ANKS1B: variants seen among roughly 807,000 people sequenced by gnomAD.
ANKS1B encodes ankyrin repeat and sterile alpha motif domain-containing protein 1B.
In ANKS1B, 36 loss-of-function variants were observed where a neutral mutation model predicts 148.3. That is an observed-to-expected ratio of 0.24 (90% CI 0.19 to 0.32). The LOEUF is 0.32. Among genes scored for constraint, ANKS1B ranks in the 10% least tolerant of loss-of-function variants. ANKS1B has a pLI of 1.00. For synonymous variants in ANKS1B, 542 were observed against 560.8 expected, an observed-to-expected ratio of 0.97 and a Z score of 0.47; for missense variants, 1,157 against 1,542.6, an observed-to-expected ratio of 0.75 and a Z score of 4.19.
intron 25 of ANKS1B, among the ~76,000 whole-genome samples, chr12:98,756,091 C>T (rs2098234501): frequency 6.6e-6 from 1 of 152,194 alleles, no homozygotes; most frequent in South Asian, 2.1e-4. Flanking sequence ...TGACTCACGC[C>T]TGTAATTCCA....
At chr12:99,762,816 C>CA (rs1021456622) in intron 8 of ANKS1B, among the ~76,000 whole-genome samples, 1 of 151,556 alleles carries the variant, frequency 6.6e-6, no homozygotes, top group South Asian at 2.1e-4. Flanking sequence ...AGTCAACAAG[C>CA]AAAAAACAAC....
chr12:99,294,536 G>A (rs1333350958), intron 12 of ANKS1B, among the ~76,000 whole-genome samples: 1 of 152,228 alleles, frequency 6.6e-6, no homozygotes, highest in Non-Finnish European at 1.5e-5. Flanking sequence ...GGGAAGAGTA[G>A]TGGGGGCAGG....
At chr12:98,985,250 C>T (rs992529905) in intron 17 of ANKS1B, among the ~76,000 whole-genome samples, 1 of 152,120 alleles carries the variant, frequency 6.6e-6, no homozygotes, top group Non-Finnish European at 1.5e-5. Flanking sequence ...ATAGCTGGAA[C>T]TACAGTTATG....
At chr12:99,512,971 T>A (rs940753104) in intron 9 of ANKS1B, among the ~76,000 whole-genome samples, 2 of 151,860 alleles carry the variant, frequency 1.3e-5, no homozygotes, top group Non-Finnish European at 2.9e-5. Context: ...GGTGATAGGC[T>A]GATCTGTGCA....
intron 17 of ANKS1B, among the ~76,000 whole-genome samples, chr12:99,044,345 A>ACTGATTTAATTATAATATATGAAGATC: frequency 6.7e-6 from 1 of 149,144 alleles, no homozygotes; most frequent in East Asian, 2.3e-4. Flanking sequence ...AAAAAAGCTA[A>ACTGATTTAATTATAATATATGAAGATC]TTCACCCTGA....
At chr12:99,442,863 G>C (rs2095572512) in intron 11 of ANKS1B, among the ~76,000 whole-genome samples, 1 of 151,892 alleles carries the variant, frequency 6.6e-6, no homozygotes, top group Non-Finnish European at 1.5e-5. Context: ...ATGATGAATG[G>C]CATTGATTGA....
chr12:98,735,418 ATTG>A, exon 10 of ANKS1B: 1 of 427,274 alleles, frequency 2.3e-6, no homozygotes, highest in Non-Finnish European at 4.2e-6. Flanking sequence ...AATTCACAAA[ATTG>A]TTTTGAAAAA....
chr12:98,975,200 T>C (rs1218343750), intron 17 of ANKS1B, among the ~76,000 whole-genome samples: 4 of 140,158 alleles, frequency 2.9e-5, no homozygotes, highest in African/African-American at 5.4e-5. Flanking sequence ...TTCCTTCCTC[T>C]TTCTTCCTTC....
intron 12 of ANKS1B, among the ~76,000 whole-genome samples, chr12:99,392,933 C>A (rs149465374): frequency 6.8e-6 from 1 of 147,604 alleles, no homozygotes; most frequent in East Asian, 2.1e-4. Flanking sequence ...ATGTTCAAAA[C>A]TGAGATTTCC....
chr12:99,973,637 T>C (rs2095588652), intron 1 of ANKS1B, among the ~76,000 whole-genome samples: 1 of 151,628 alleles, frequency 6.6e-6, no homozygotes, highest in African/African-American at 2.4e-5. Context: ...TTAACAGGAG[T>C]TTTGGAAGAA....
chr12:99,121,482 T>A, intron 15 of ANKS1B, among the ~76,000 whole-genome samples: 1 of 152,140 alleles, frequency 6.6e-6, no homozygotes, highest in East Asian at 1.9e-4. Context: ...ACTCAAACAC[T>A]TTTGAGTATT....
chr12:99,507,565 A>G (rs960359729), intron 9 of ANKS1B, among the ~76,000 whole-genome samples: 6 of 151,778 alleles, frequency 4.0e-5, no homozygotes, highest in African/African-American at 1.4e-4. Flanking sequence ...TGTGCAAAGG[A>G]AAGAAAAAAT....
At chr12:98,998,927 T>C (rs1479903682) in intron 17 of ANKS1B, among the ~76,000 whole-genome samples, 1 of 152,248 alleles carries the variant, frequency 6.6e-6, no homozygotes, top group Non-Finnish European at 1.5e-5. Flanking sequence ...CCCTACACTT[T>C]ACTATTGCTA....
chr12:99,624,455 G>A (rs539454024), intron 9 of ANKS1B, among the ~76,000 whole-genome samples: 3 of 152,096 alleles, frequency 2.0e-5, no homozygotes, highest in Middle Eastern at 3.4e-3. Flanking sequence ...TCAACAGAGC[G>A]AACAGACAAC....
At chr12:98,767,706 T>C (rs1213369867) in intron 25 of ANKS1B, among the ~76,000 whole-genome samples, 3 of 152,248 alleles carry the variant, frequency 2.0e-5, no homozygotes, top group Non-Finnish European at 2.9e-5. Flanking sequence ...GATACAAATC[T>C]GATACTCCCA....
chr12:99,834,905 C>T (rs1422886676), intron 1 of ANKS1B, among the ~76,000 whole-genome samples: 1 of 152,186 alleles, frequency 6.6e-6, no homozygotes, highest in African/African-American at 2.4e-5. Flanking sequence ...TCTGACAGAT[C>T]ATATCATTTC....
rs12582422 is a variant in ANKS1B, at chr12:99,204,183, G to A, written c.2419+40159C>T. Among the ~76,000 whole-genome samples, 119 of 152,244 alleles carry A rather than the reference G, an allele frequency of 7.8e-4. 3 individuals are homozygous for A. The East Asian group carries it at 0.02, about 26-fold the overall frequency. ...CTAGGAAAGAAGCAATATGCCTTGG[G>A]CACAACTTTTCAAGTAATATCAATG... is the stretch of plus-strand genomic sequence containing the variant. On this transcript the variant is annotated intron_variant, in intron 14 of 26. Coordinates refer to ENST00000683438, the MANE Select transcript of ANKS1B (RefSeq NM_001352186.2).
At chr12:99,813,883 G>A (rs1013848887) in intron 2 of ANKS1B, among the ~76,000 whole-genome samples, 8 of 151,542 alleles carry the variant, frequency 5.3e-5, no homozygotes, top group Non-Finnish European at 1.0e-4. Context: ...CTGTGATTCC[G>A]GAGAAATGAT....
chr12:99,691,386 T>C (rs536603574), intron 8 of ANKS1B, among the ~76,000 whole-genome samples: 1 of 152,334 alleles, frequency 6.6e-6, no homozygotes, highest in Admixed American at 6.5e-5. Context: ...TTCTTTTCTA[T>C]TGCATTGTCA....
Sources: allele counts gnomAD v4.1 joint callset (sites outside exome capture counted in the v4.1 genomes callset), GRCh38; gene constraint gnomAD v4.1.1; transcripts MANE v1.5; gene names NCBI Gene and HGNC (gene_info 2026-07-23, HGNC 2026-07-21).